The following RFTN1 variants were observed in gnomAD, a reference collection of about 807,000 sequenced individuals.
RFTN1 encodes raftlin.
Under a neutral mutation model 46.5 loss-of-function variants are expected in RFTN1, and 26 were observed. The observed-to-expected ratio is 0.56, with a 90% CI of 0.41 to 0.78. The LOEUF (loss-of-function observed/expected upper bound fraction) is 0.78. Among genes scored for constraint, RFTN1 ranks in the 30% least tolerant of loss-of-function variants. The pLI is 0.00. For missense variants in RFTN1, 693 were observed against 718.7 expected (o/e 0.96, Z 0.41); for synonymous variants, 261 against 284.2 (o/e 0.92, Z 0.82).
intron 2 of RFTN1, chr3:16,482,648 A>T: frequency 9.3e-7 from 1 of 1,069,622 alleles, no homozygotes; most frequent in Non-Finnish European, 1.4e-6. Context: ...TCATTTGTAA[A>T]ATCAAGATCT....
chr3:16,452,948 G>GGAT lies in RFTN1; in HGVS notation c.146-18914_146-18912dup, dbSNP rs1306265837. Among the ~76,000 whole-genome samples the GGAT allele has an allele frequency of 6.6e-5, 10 of 152,234 alleles. No individual in the cohort carries two copies. In the East Asian group the frequency reaches 1.3e-3, roughly 21 times the overall value. ...AAAAAGCCCTTAAAAATGAGAATGA[G>GGAT]GATGATGATGATGATGATAGAAGTA... is the stretch of plus-strand genomic sequence containing the variant. On this transcript the variant is annotated intron_variant, in intron 2 of 9. Transcript: ENST00000334133. This position sits in a 1 kb window ranked among gnomAD's most constrained non-coding sequence, Gnocchi z 6.3.
At position 16,507,894 on chromosome 3, in the gene RFTN1, C is replaced by T. The variant is rs186345075; in HGVS notation, c.-9+5548G>A. 2.2e-3 allele frequency among the ~76,000 whole-genome samples: 328 copies of T among 152,030 alleles called. 1 individual carries two copies. Among genetic ancestry groups the T allele is most frequent in the African/African-American group, 7.4e-3 (308 of 41,444 alleles). ...ACACATATGAAAGCTGATAGGCCCC[C>T]GTAAAGAATAAATTGTAACCCTCAA... On this transcript the variant is annotated intron_variant, in intron 1 of 9. Coordinates refer to ENST00000334133, the MANE Select transcript of RFTN1 (RefSeq NM_015150.2). The surrounding 1 kb of genome is among the most constrained non-coding windows in gnomAD (Gnocchi z 7.1).
Position 16,356,433 on chromosome 3 carries a change from T to C in RFTN1, c.1146+1499A>G, listed in dbSNP as rs991413215. ...TTCTGACGACTCCAGTTCCTTTGGG[T>C]ACTCCATTGCTATCACACTTGCAAG... is the stretch of plus-strand genomic sequence containing the variant. On this transcript the variant is annotated intron_variant, in intron 7 of 9. Transcript: ENST00000334133. This position sits in a 1 kb window ranked among gnomAD's most constrained non-coding sequence, Gnocchi z 4.9. Among the ~76,000 whole-genome samples the C allele has an allele frequency of 7.2e-5, 11 of 152,214 alleles. No homozygotes were observed. The highest frequency in any genetic ancestry group is 1.5e-4 in the Non-Finnish European group (10 of 68,040).
rs939755626 is a variant in RFTN1 at position 16,426,689 on chromosome 3, G to GTGTT, written c.332+7161_332+7162insAACA. Among the ~76,000 whole-genome samples the GTGTT allele has an allele frequency of 6.6e-6, 1 of 151,786 alleles. No homozygotes were observed. The highest frequency in any genetic ancestry group is 6.6e-5 in the Admixed American group (1 of 15,222). On this transcript the variant is annotated intron_variant, in intron 3 of 9. Coordinates refer to ENST00000334133, the MANE Select transcript of RFTN1 (RefSeq NM_015150.2). The surrounding 1 kb of genome is among the most constrained non-coding windows in gnomAD (Gnocchi z 5.9). ...TGTGTGTGTGTGTGTGTGTGTGTGT[G>GTGTT]TGTGTGTGTCTGTTCCATTACTTGA...
At chr3:16,439,178 G>C (rs2075575154) in intron 2 of RFTN1, among the ~76,000 whole-genome samples, 1 of 152,058 alleles carries the variant, frequency 6.6e-6, no homozygotes, top group Non-Finnish European at 1.5e-5. Context: ...CATGATTAAA[G>C]GCCTTAATCT....
At chr3:16,378,233 C>T in intron 4 of RFTN1, 131 bp from the exon 5 acceptor site, 1 of 720,186 alleles carries the variant, frequency 1.4e-6, no homozygotes, top group East Asian at 2.6e-5. Flanking sequence ...TCCAAGCTGA[C>T]AGGAACTCCA....
intron 4 of RFTN1, among the ~76,000 whole-genome samples, chr3:16,391,956 G>A (rs902113742): frequency 1.4e-5 from 2 of 144,592 alleles, no homozygotes; most frequent in African/African-American, 5.0e-5. Context: ...CTAAATGGCT[G>A]CCTAAGTTAT....
Position 16,433,734 on chromosome 3 carries a change from G to A in RFTN1, c.332+117C>T. The A allele has an allele frequency of 9.8e-7, 1 of 1,023,490 alleles. No individual in the cohort carries two copies. The highest frequency in any genetic ancestry group is 1.5e-6 in the Non-Finnish European group (1 of 659,902). 63.4% of individuals were successfully genotyped at this position (1,023,490 alleles called of 1,614,324 possible). A position where few individuals can be genotyped will look rare whatever the true frequency, so the allele number is the denominator to read the frequency against. ...TTTGCCTCACCTGTCTGAGGGCTGA[G>A]GCCCTGAGGACAGCATGCAAATTTC... On this transcript the variant is annotated intron_variant, in intron 3 of 9. Transcript: ENST00000334133. The surrounding 1 kb of genome is among the most constrained non-coding windows in gnomAD (Gnocchi z 4.4).
chr3:16,377,039 C>T (rs1314193458), intron 5 of RFTN1, among the ~76,000 whole-genome samples: 1 of 151,902 alleles, frequency 6.6e-6, no homozygotes, highest in Non-Finnish European at 1.5e-5. Flanking sequence ...CAGGAAATGA[C>T]CAGATGCTAG....
intron 6 of RFTN1, among the ~76,000 whole-genome samples, chr3:16,363,799 G>A (rs2072977856): frequency 6.6e-6 from 1 of 151,784 alleles, no homozygotes; most frequent in Non-Finnish European, 1.5e-5. Context: ...GCTCTCTGAG[G>A]GCGCCTTCTC....
Position 16,433,619 on chromosome 3 carries a change from T to C in RFTN1, c.332+232A>G, listed in dbSNP as rs1198936813. On this transcript the variant is annotated intron_variant, in intron 3 of 9. Coordinates refer to ENST00000334133, the MANE Select transcript of RFTN1 (RefSeq NM_015150.2). The surrounding 1 kb of genome is among the most constrained non-coding windows in gnomAD (Gnocchi z 4.4). ...CCAGTGAGTTAAAAGAGGGAAAGAA[T>C]GTAAAATGGAACTCTCTACTTGCAG... Among the ~76,000 whole-genome samples the C allele has an allele frequency of 1.3e-5, 2 of 152,224 alleles. No homozygotes were observed. The highest frequency in any genetic ancestry group is 2.4e-5 in the African/African-American group (1 of 41,466).
intron 7 of RFTN1, among the ~76,000 whole-genome samples, chr3:16,355,356 C>T (rs1348778758): frequency 1.3e-5 from 2 of 152,188 alleles, no homozygotes; most frequent in Non-Finnish European, 2.9e-5. Context: ...AAACTTATTC[C>T]TCACATTTCT....
chr3:16,444,946 G>A (rs1212183138), intron 2 of RFTN1, among the ~76,000 whole-genome samples: 2 of 152,182 alleles, frequency 1.3e-5, no homozygotes, highest in African/African-American at 2.4e-5. Flanking sequence ...TTTAGTATTA[G>A]AAATGTTTTG....
chr3:16,333,600 AGGC>A (rs1414869933), intron 7 of RFTN1, among the ~76,000 whole-genome samples: 4 of 152,234 alleles, frequency 2.6e-5, no homozygotes, highest in Non-Finnish European at 5.9e-5. Flanking sequence ...GAACACTGGA[AGGC>A]CTTTCTAAAT....
At chr3:16,363,554 C>G (rs576042208) in intron 6 of RFTN1, among the ~76,000 whole-genome samples, 2 of 152,376 alleles carry the variant, frequency 1.3e-5, no homozygotes, top group East Asian at 3.9e-4. Flanking sequence ...GAGGCAACCA[C>G]TCTTCTGCAG....
At chr3:16,405,224 C>A (rs962414073) in intron 4 of RFTN1, among the ~76,000 whole-genome samples, 3 of 152,120 alleles carry the variant, frequency 2.0e-5, no homozygotes, top group African/African-American at 7.2e-5. Context: ...CTGGTTGAGC[C>A]CTCGTCCCAA....
rs1057197120 is a variant in RFTN1 at position 16,427,477 on chromosome 3, C to G, written c.332+6374G>C. Among the ~76,000 whole-genome samples the G allele has an allele frequency of 1.3e-5, 2 of 152,262 alleles. No homozygotes were observed. The highest frequency in any genetic ancestry group is 2.9e-5 in the Non-Finnish European group (2 of 68,048). On this transcript the variant is annotated intron_variant, in intron 3 of 9. Coordinates refer to ENST00000334133, the MANE Select transcript of RFTN1 (RefSeq NM_015150.2). This position sits in a 1 kb window ranked among gnomAD's most constrained non-coding sequence, Gnocchi z 5.4. Reference sequence around the variant, plus strand: ...CAAAAGAATCGTTTCTCTTGCATCACTTGACCCTGGGTGGACAAGGCTGAC... The same window carrying G: ...CAAAAGAATCGTTTCTCTTGCATCAGTTGACCCTGGGTGGACAAGGCTGAC...
At position 16,376,457 on chromosome 3, in the gene RFTN1, C is replaced by A. The variant is rs889803752; in HGVS notation, c.826+1261G>T. ...CGTACAGAAGGACTCCAGTGAGGTC[C>A]ATCTTCCTGCCCAGGATTCAGAGCA... is the stretch of plus-strand genomic sequence containing the variant. On this transcript the variant is annotated intron_variant, in intron 5 of 9. Coordinates refer to ENST00000334133, the MANE Select transcript of RFTN1 (RefSeq NM_015150.2). The surrounding 1 kb of genome is among the most constrained non-coding windows in gnomAD (Gnocchi z 4.7). Among the ~76,000 whole-genome samples, 3 of 152,150 alleles carry A rather than the reference C, an allele frequency of 2.0e-5. No homozygotes were observed. Among genetic ancestry groups the A allele is most frequent in the African/African-American group, 7.2e-5 (3 of 41,414 alleles).
rs777064707 is a variant in RFTN1, at chr3:16,499,237, T to C, written c.-8-5360A>G. 1.2e-4 allele frequency among the ~76,000 whole-genome samples: 19 copies of C among 152,222 alleles called. No homozygotes were observed. Among genetic ancestry groups the C allele is most frequent in the Non-Finnish European group, 2.1e-4 (14 of 68,042 alleles). On this transcript the variant is annotated intron_variant, in intron 1 of 9. Transcript: ENST00000334133. The surrounding 1 kb of genome is among the most constrained non-coding windows in gnomAD (Gnocchi z 4.9). ...CCAAAATCCACTGACATTCCTCCTA[T>C]TGAGCCTATTGAGAGGTGAGGTCTA... is the stretch of plus-strand genomic sequence containing the variant.
Sources: allele counts gnomAD v4.1 joint callset (sites outside exome capture counted in the v4.1 genomes callset), GRCh38; gene constraint gnomAD v4.1.1; non-coding constraint Gnocchi (gnomAD v3.1); transcripts MANE v1.5; gene names NCBI Gene and HGNC (gene_info 2026-07-23, HGNC 2026-07-21).